Variants in ATRN observed in about 807,000 individuals in gnomAD.
The protein encoded by ATRN is attractin.
Under a neutral mutation model 178.7 loss-of-function variants are expected in ATRN, and 54 were observed. The ratio of observed to expected loss-of-function variants is 0.30; its 90% CI spans 0.24 to 0.38. ATRN has a LOEUF of 0.38. Ranked by LOEUF, ATRN falls within the 10% of genes least tolerant of loss-of-function variation. The pLI is 1.00. For synonymous variants in ATRN, 636 were observed against 663.0 expected (o/e 0.96, Z 0.63); for missense variants, 1,443 against 1,815.1 (o/e 0.79, Z 3.73).
chr20:3,549,394 T>A, intron 6 of ATRN, 56 bp downstream of exon 6: 3 of 1,405,590 alleles, frequency 2.1e-6, no homozygotes, highest in Non-Finnish European at 2.8e-6. Flanking sequence ...TGAAAATTTA[T>A]AAAGCACAGA....
intron 25 of ATRN, among the ~76,000 whole-genome samples, chr20:3,627,173 A>C (rs2086948366): frequency 6.6e-6 from 1 of 152,224 alleles, no homozygotes; most frequent in Non-Finnish European, 1.5e-5. Context: ...GTTGCAGTTA[A>C]AGTTGTGCTT....
chr20:3,543,123 A>G (rs573853953), intron 3 of ATRN, among the ~76,000 whole-genome samples: 2 of 152,288 alleles, frequency 1.3e-5, no homozygotes, highest in Admixed American at 1.3e-4. Flanking sequence ...TTTCTAAAGT[A>G]GCACCTTCTG....
At chr20:3,570,300 G>GAAAC (rs1183102028) in intron 11 of ATRN, among the ~76,000 whole-genome samples, 4 of 152,224 alleles carry the variant, frequency 2.6e-5, no homozygotes, top group Admixed American at 6.5e-5. Context: ...TTGTCCTGTA[G>GAAAC]AGTTTCCCGT....
intron 15 of ATRN, among the ~76,000 whole-genome samples, chr20:3,580,940 T>G (rs1341556691): frequency 6.6e-6 from 1 of 152,200 alleles, no homozygotes; most frequent in Non-Finnish European, 1.5e-5. Context: ...GTGTATTTTT[T>G]CCTCTCAAAA....
chr20:3,486,584 G>C (rs925274577), intron 1 of ATRN, among the ~76,000 whole-genome samples: 7 of 151,816 alleles, frequency 4.6e-5, no homozygotes, highest in Non-Finnish European at 1.0e-4. Flanking sequence ...AGTAGATATG[G>C]GGTTTCACTG....
chr20:3,517,314 CTATT>C (rs2085219101), intron 1 of ATRN, among the ~76,000 whole-genome samples: 1 of 151,876 alleles, frequency 6.6e-6, no homozygotes, highest in African/African-American at 2.4e-5. Flanking sequence ...TAAAAAAAAT[CTATT>C]TATCCATGCA....
chr20:3,537,637 A>G (rs2085556414), intron 2 of ATRN, among the ~76,000 whole-genome samples: 1 of 150,948 alleles, frequency 6.6e-6, no homozygotes, highest in Admixed American at 6.6e-5. Context: ...CATTAGGTAT[A>G]TCCCCTAATG....
chr20:3,488,139 T>C (rs1032677262), intron 1 of ATRN, among the ~76,000 whole-genome samples: 6 of 152,212 alleles, frequency 3.9e-5, no homozygotes, highest in Admixed American at 3.9e-4. Context: ...TGATTTCTCT[T>C]ACTTTTTTTC....
chr20:3,635,829 A>C (rs2073062727), intron 26 of ATRN, among the ~76,000 whole-genome samples: 1 of 152,214 alleles, frequency 6.6e-6, no homozygotes, highest in South Asian at 2.1e-4. Flanking sequence ...TTTTTAAATA[A>C]GTGGATAACA....
At chr20:3,530,978 T>C (rs997200982) in intron 1 of ATRN, among the ~76,000 whole-genome samples, 11 of 152,228 alleles carry the variant, frequency 7.2e-5, no homozygotes, top group Admixed American at 7.2e-4. Flanking sequence ...TTATTCTTCA[T>C]ATTTTAGCCT....
intron 3 of ATRN, among the ~76,000 whole-genome samples, chr20:3,541,076 A>ATTTTTTTTTTTTTTTTTTTTTT (rs1331876349): frequency 8.4e-6 from 1 of 119,046 alleles, no homozygotes; most frequent in African/African-American, 3.0e-5. Flanking sequence ...ATGATAGAGG[A>ATTTTTTTTTTTTTTTTTTTTTT]TTTTTTTTTT....
At chr20:3,478,690 A>C (rs1454867928) in intron 1 of ATRN, among the ~76,000 whole-genome samples, 1 of 152,082 alleles carries the variant, frequency 6.6e-6, no homozygotes, top group African/African-American at 2.4e-5. Flanking sequence ...GTAATAAAAA[A>C]CAAAAACATG....
intron 24 of ATRN, among the ~76,000 whole-genome samples, chr20:3,605,640 C>T (rs62206513): frequency 1.3e-5 from 2 of 152,152 alleles, no homozygotes; most frequent in African/African-American, 4.8e-5. Context: ...TTATCCTCAG[C>T]AAACTAATGC....
intron 8 of ATRN, 28 bp downstream of exon 8, chr20:3,560,933 T>A (rs767159830): frequency 6.2e-7 from 1 of 1,608,000 alleles, no homozygotes. Flanking sequence ...AGTAGATGCC[T>A]TTTGAACATC....
At chr20:3,471,712 A>G (rs1424895102) in intron 1 of ATRN, among the ~76,000 whole-genome samples, 195 bp downstream of exon 1, 1 of 152,132 alleles carries the variant, frequency 6.6e-6, no homozygotes, top group African/African-American at 2.4e-5. Context: ...TTGGAAGGTG[A>G]AAAGGTGTGG....
At chr20:3,542,865 C>G (rs2085645648) in intron 3 of ATRN, among the ~76,000 whole-genome samples, 1 of 150,590 alleles carries the variant, frequency 6.6e-6, no homozygotes, top group South Asian at 2.1e-4. Context: ...TCTTGAACTC[C>G]TGGGCTCAAG....
intron 25 of ATRN, 57 bp downstream of exon 25, chr20:3,624,629 A>G (rs1248157702): frequency 2.3e-6 from 3 of 1,319,368 alleles, no homozygotes; most frequent in African/African-American, 2.9e-5. Context: ...TAGATCCATT[A>G]ATAGAGTATC....
intron 6 of ATRN, among the ~76,000 whole-genome samples, chr20:3,556,861 C>T (rs2085884182): frequency 6.6e-6 from 1 of 152,050 alleles, no homozygotes; most frequent in Admixed American, 6.5e-5. Context: ...TCACCTTAGC[C>T]AGATTATGGG....
chr20:3,639,787 A>C (rs1173192557), intron 27 of ATRN, among the ~76,000 whole-genome samples: 1 of 152,192 alleles, frequency 6.6e-6, no homozygotes, highest in Non-Finnish European at 1.5e-5. Context: ...AGTAGGTAAA[A>C]TCTCCAGGGA....
Sources: allele counts gnomAD v4.1 joint callset (sites outside exome capture counted in the v4.1 genomes callset), GRCh38; gene constraint gnomAD v4.1.1; transcripts MANE v1.5; gene names NCBI Gene and HGNC (gene_info 2026-07-23, HGNC 2026-07-21).